STXBP5L: variants seen among roughly 807,000 people sequenced by gnomAD.
STXBP5L encodes the protein syntaxin-binding protein 5-like.
In STXBP5L, 65 loss-of-function variants were observed where a neutral mutation model predicts 144.5. The ratio of observed to expected loss-of-function variants is 0.45; its 90% confidence interval spans 0.37 to 0.55. The LOEUF (loss-of-function observed/expected upper bound fraction) is 0.55, where lower values mean the gene tolerates loss of function less well. Among genes scored for constraint, STXBP5L ranks in the 20% least tolerant of loss-of-function variants. The pLI is 0.00. For missense variants in STXBP5L, 1,298 were observed against 1,405.5 expected (o/e 0.92, Z 1.22); for synonymous variants, 505 against 469.6 (o/e 1.08, Z -0.97).
Position 121,409,024 on chromosome 3 carries a change from T to C in STXBP5L, c.2948+1421T>C, listed in dbSNP as rs542929224. On this transcript the variant is annotated intron_variant, in intron 23 of 26. Coordinates refer to ENST00000471454, the MANE Select transcript of STXBP5L (RefSeq NM_001308330.2). The stretch of plus-strand genomic sequence containing the variant: ...GAGAATAAATATTTGAAATTTTAGG[T>C]GTTATAAGCCATCCAGCAGAGGTTT... Among the ~76,000 whole-genome samples the C allele has an allele frequency of 2.6e-5, 4 of 152,006 alleles. No individual in the cohort carries two copies. The East Asian group carries it at 7.7e-4, about 29-fold the overall frequency.
intron 20 of STXBP5L, among the ~76,000 whole-genome samples, chr3:121,350,750 A>G (rs1409537805): frequency 1.3e-5 from 2 of 152,088 alleles, no homozygotes; most frequent in Non-Finnish European, 2.9e-5. Context: ...AGTTGATCGA[A>G]TCAGCTACTG....
chr3:121,329,598 T>A (rs1301492016), intron 20 of STXBP5L, among the ~76,000 whole-genome samples: 1 of 152,212 alleles, frequency 6.6e-6, no homozygotes, highest in Non-Finnish European at 1.5e-5. Context: ...GGGTGGCCCA[T>A]GCCTGTAATC....
At chr3:120,985,823 A>G (rs982146599) in intron 3 of STXBP5L, among the ~76,000 whole-genome samples, 5 of 151,288 alleles carry the variant, frequency 3.3e-5, no homozygotes, top group Admixed American at 1.3e-4. Context: ...TTCTTCGTTC[A>G]TCTAGCTAAA....
chr3:120,961,417 T>TC (rs1177494834), intron 3 of STXBP5L, among the ~76,000 whole-genome samples: 1 of 151,978 alleles, frequency 6.6e-6, no homozygotes, highest in East Asian at 1.9e-4. Context: ...ATGCTATCCC[T>TC]CCCCCAGCCC....
intron 3 of STXBP5L, among the ~76,000 whole-genome samples, chr3:121,031,851 A>G (rs747177534): frequency 2.0e-5 from 3 of 152,122 alleles, no homozygotes; most frequent in Non-Finnish European, 4.4e-5. Context: ...AGTAGAATTG[A>G]CTAACATAAT....
Position 121,067,138 on chromosome 3 carries a change from T to C in STXBP5L, c.470+21603T>C, listed in dbSNP as rs189619399. Among the ~76,000 whole-genome samples, 392 of 152,212 alleles carry C rather than the reference T, an allele frequency of 2.6e-3. 1 individual carries two copies. Among genetic ancestry groups the C allele is most frequent in the African/African-American group, 9.1e-3 (378 of 41,588 alleles). On this transcript the variant is annotated intron_variant, in intron 5 of 26. Coordinates refer to ENST00000471454, the MANE Select transcript of STXBP5L (RefSeq NM_001308330.2). ...AGTACTGATAGAATTCTTGATTTTT[T>C]TCAAATGTACATGTATTTTTCTAGT...
intron 7 of STXBP5L, among the ~76,000 whole-genome samples, chr3:121,140,843 T>C (rs928664761): frequency 7.2e-5 from 11 of 152,144 alleles, no homozygotes; most frequent in Admixed American, 7.2e-4. Flanking sequence ...AAGGTGATTA[T>C]AGGTAATGAT....
rs749810317 is a variant in STXBP5L, at chr3:121,419,051, T to C, written c.3448-5T>C. 1.2e-6 allele frequency: 2 copies of C among 1,611,114 alleles called. No homozygotes were observed. The highest frequency in any genetic ancestry group is 3.4e-5 in the Admixed American group (2 of 59,508). ...CGTCTTATGGTGGCTATTTTTTCTT[T>C]GCAGTTAATGCTGAAATACAAGGAT... On this transcript the variant is annotated splice_polypyrimidine_tract_variant and splice_region_variant and intron_variant, in intron 26 of 26. Coordinates refer to ENST00000471454, the MANE Select transcript of STXBP5L (RefSeq NM_001308330.2).
At chr3:121,371,400 G>A (rs913134945) in intron 20 of STXBP5L, among the ~76,000 whole-genome samples, 6 of 152,236 alleles carry the variant, frequency 3.9e-5, no homozygotes, top group African/African-American at 1.2e-4. Flanking sequence ...GGGCCAGAGT[G>A]TCCTGGCCAC....
intron 22 of STXBP5L, among the ~76,000 whole-genome samples, chr3:121,386,280 C>G (rs989418384): frequency 1.3e-5 from 2 of 151,992 alleles, no homozygotes; most frequent in Non-Finnish European, 2.9e-5. Context: ...TCAAGTGTAC[C>G]CATTGTTTAG....
At chr3:121,121,457 G>C (rs547323427) in intron 6 of STXBP5L, among the ~76,000 whole-genome samples, 184 bp from the exon 7 acceptor site, 1 of 151,374 alleles carries the variant, frequency 6.6e-6, no homozygotes, top group Admixed American at 6.6e-5. Context: ...TAAGTAGTTT[G>C]CAATTAGTAA....
At chr3:121,273,634 T>C (rs1368791127) in intron 18 of STXBP5L, among the ~76,000 whole-genome samples, 1 of 152,140 alleles carries the variant, frequency 6.6e-6, no homozygotes, top group Non-Finnish European at 1.5e-5. Context: ...TCCCATAATG[T>C]GACTATTGGT....
At chr3:121,287,439 C>T (rs778199969) in intron 19 of STXBP5L, among the ~76,000 whole-genome samples, 14 of 125,906 alleles carry the variant, frequency 1.1e-4, no homozygotes, top group Non-Finnish European at 2.4e-4. Context: ...TTTCTATATG[C>T]ATACAACAAT....
intron 9 of STXBP5L, among the ~76,000 whole-genome samples, chr3:121,164,224 AT>A (rs1170818640): frequency 6.6e-6 from 1 of 152,168 alleles, no homozygotes; most frequent in East Asian, 1.9e-4. Context: ...ACACATAAAA[AT>A]GGCCAACACG....
intron 5 of STXBP5L, among the ~76,000 whole-genome samples, chr3:121,103,052 C>A (rs1225916507): frequency 6.6e-6 from 1 of 152,112 alleles, no homozygotes; most frequent in Non-Finnish European, 1.5e-5. Context: ...CTAAAAACCA[C>A]AAATGCTGGC....
At chr3:121,326,561 A>G (rs926344520) in intron 20 of STXBP5L, among the ~76,000 whole-genome samples, 4 of 152,086 alleles carry the variant, frequency 2.6e-5, no homozygotes, top group Admixed American at 2.6e-4. Flanking sequence ...GTATTTATTT[A>G]TTTCAGAGAA....
At chr3:121,322,808 A>G (rs1267231725) in intron 20 of STXBP5L, among the ~76,000 whole-genome samples, 1 of 152,212 alleles carries the variant, frequency 6.6e-6, no homozygotes, top group African/African-American at 2.4e-5. Flanking sequence ...TTACATTCCC[A>G]TCAACAATAT....
chr3:121,257,312 A>C lies in STXBP5L; in HGVS notation c.1811A>C (p.Lys604Thr). The C allele has an allele frequency of 6.2e-7, 1 of 1,612,618 alleles. No homozygotes were observed. Among genetic ancestry groups the C allele is most frequent in the Non-Finnish European group, 8.5e-7 (1 of 1,179,168 alleles). ...TNTVASEGVT[K>T]DSIPCLNVKT... Reference sequence around the variant, plus strand: ...ACTGTTGCTAGTGAAGGAGTAACAAAGGACAGTATTCCATGCCTCAAGTAA... The same window carrying C: ...ACTGTTGCTAGTGAAGGAGTAACAACGGACAGTATTCCATGCCTCAAGTAA... The change falls in exon 17 of 27, where the codon AAG (lysine) becomes ACG (threonine). Residue 604 changes from lysine to threonine, a missense_variant. Lys to Thr is a moderately conservative substitution (Grantham distance 78). Coordinates refer to ENST00000471454, the MANE Select transcript of STXBP5L (RefSeq NM_001308330.2).
At chr3:120,972,010 G>A (rs1940329748) in intron 3 of STXBP5L, among the ~76,000 whole-genome samples, 1 of 151,946 alleles carries the variant, frequency 6.6e-6, no homozygotes, top group African/African-American at 2.4e-5. Context: ...GGAATGTGAT[G>A]TCTCTAGCTT....
Sources: allele counts gnomAD v4.1 joint callset (sites outside exome capture counted in the v4.1 genomes callset), GRCh38; gene constraint gnomAD v4.1.1; transcripts MANE v1.5; gene names NCBI Gene and HGNC (gene_info 2026-07-23, HGNC 2026-07-21).